PRR5L: variants seen among roughly 807,000 people sequenced by gnomAD.
PRR5L encodes proline-rich protein 5-like.
PRR5L carries 21 observed loss-of-function variants against 36.4 expected under a neutral mutation model. The observed-to-expected ratio is 0.58, with a 90% CI of 0.41 to 0.83. The LOEUF (loss-of-function observed/expected upper bound fraction) is 0.83. PRR5L is among the 40% of genes least tolerant of loss of function. The pLI, the probability that PRR5L is intolerant of heterozygous loss-of-function variation, is 0.00. For missense variants in PRR5L, 381 were observed against 473.3 expected (o/e 0.80, Z 1.81); for synonymous variants, 188 against 197.0 (o/e 0.95, Z 0.38).
intron 1 of PRR5L, among the ~76,000 whole-genome samples, chr11:36,374,104 T>TCCTTCCTTCCTTCCTTCCTG (rs1491493668): frequency 2.0e-5 from 2 of 101,318 alleles, no homozygotes; most frequent in Non-Finnish European, 3.8e-5. Flanking sequence ...CTTCCTTCCT[T>TCCTTCCTTCCTTCCTTCCTG]CCTCTCTCTC....
At chr11:36,443,965 G>T (rs550708663) in intron 6 of PRR5L, among the ~76,000 whole-genome samples, 14 of 152,288 alleles carry the variant, frequency 9.2e-5, no homozygotes, top group African/African-American at 3.1e-4. Flanking sequence ...AATCTTTTTG[G>T]AGAGCAACAT....
intron 1 of PRR5L, among the ~76,000 whole-genome samples, chr11:36,368,682 A>G (rs1857169110): frequency 6.6e-6 from 1 of 152,262 alleles, no homozygotes; most frequent in African/African-American, 2.4e-5. Flanking sequence ...AGAAGTCAGT[A>G]GAAGAATCCA....
At chr11:36,318,061 G>C (rs543807065) in intron 1 of PRR5L, among the ~76,000 whole-genome samples, 1 of 152,224 alleles carries the variant, frequency 6.6e-6, no homozygotes, top group South Asian at 2.1e-4. Flanking sequence ...CCTTTTCTAT[G>C]TTTACATACA....
At chr11:36,304,414 T>C (rs148468904) in intron 1 of PRR5L, among the ~76,000 whole-genome samples, 2 of 152,328 alleles carry the variant, frequency 1.3e-5, no homozygotes, top group Non-Finnish European at 2.9e-5. Flanking sequence ...TTAGGGGATA[T>C]TGTGAACAGT....
At chr11:36,388,853 C>A (rs1256255316) in intron 1 of PRR5L, among the ~76,000 whole-genome samples, 2 of 152,174 alleles carry the variant, frequency 1.3e-5, no homozygotes, top group Non-Finnish European at 2.9e-5. Context: ...CGCCCGCCAC[C>A]AAGCCCGGCT....
At chr11:36,361,632 C>T (rs1219624930) in intron 1 of PRR5L, among the ~76,000 whole-genome samples, 3 of 152,116 alleles carry the variant, frequency 2.0e-5, no homozygotes, top group Admixed American at 6.5e-5. Context: ...TGTGATCAAA[C>T]GATAGTGTGT....
chr11:36,362,114 G>A (rs1432111482), intron 1 of PRR5L: 2 of 149,628 alleles, frequency 1.3e-5, no homozygotes, highest in Admixed American at 6.6e-5. Context: ...AGTCACCAGA[G>A]ACTCCTGCCT....
chr11:36,346,954 C>T (rs1017868483), intron 1 of PRR5L, among the ~76,000 whole-genome samples: 5 of 152,142 alleles, frequency 3.3e-5, no homozygotes, highest in South Asian at 2.1e-4. Flanking sequence ...AAAGAATAGG[C>T]GTGGCTGTGT....
chr11:36,378,313 G>A (rs549247915), intron 1 of PRR5L, among the ~76,000 whole-genome samples: 9 of 152,306 alleles, frequency 5.9e-5, no homozygotes, highest in African/African-American at 1.2e-4. Context: ...AACCTGGCTG[G>A]TTAGTCTTCT....
At chr11:36,356,777 A>T (rs761776378) in intron 1 of PRR5L, among the ~76,000 whole-genome samples, 9 of 152,054 alleles carry the variant, frequency 5.9e-5, no homozygotes, top group Non-Finnish European at 1.3e-4. Flanking sequence ...TTGCTCCATT[A>T]AGTGGTTGTT....
At chr11:36,302,907 A>T (rs1856392279) in intron 1 of PRR5L, among the ~76,000 whole-genome samples, 1 of 152,204 alleles carries the variant, frequency 6.6e-6, no homozygotes, top group Admixed American at 6.5e-5. Context: ...CCTCACCATG[A>T]CTTTATCAAG....
At chr11:36,329,916 A>G (rs1388371017) in intron 1 of PRR5L, among the ~76,000 whole-genome samples, 3 of 152,214 alleles carry the variant, frequency 2.0e-5, no homozygotes, top group Non-Finnish European at 2.9e-5. Context: ...TATTTTTCCA[A>G]GACGGCTTTT....
intron 1 of PRR5L, among the ~76,000 whole-genome samples, chr11:36,367,633 T>G (rs1857156961): frequency 6.6e-6 from 1 of 152,166 alleles, no homozygotes; most frequent in Admixed American, 6.5e-5. Flanking sequence ...TATTTGGGTT[T>G]CAAAGGACAA....
intron 1 of PRR5L, among the ~76,000 whole-genome samples, chr11:36,319,188 C>T (rs1466301141): frequency 1.3e-5 from 2 of 152,176 alleles, no homozygotes; most frequent in African/African-American, 4.8e-5. Context: ...ATCCCTGGGA[C>T]CACAGTGAAA....
intron 1 of PRR5L, among the ~76,000 whole-genome samples, chr11:36,374,220 G>A (rs997357217): frequency 4.6e-5 from 7 of 151,916 alleles, no homozygotes; most frequent in Non-Finnish European, 1.0e-4. Context: ...TCAGTCTCCA[G>A]AGTACTTGGG....
intron 8 of PRR5L, among the ~76,000 whole-genome samples, chr11:36,461,915 C>A (rs1859193246): frequency 6.6e-6 from 1 of 152,162 alleles, no homozygotes. Context: ...TAGGAAGACT[C>A]TTTTATATCA....
At chr11:36,403,513 A>C in intron 3 of PRR5L, 135 bp downstream of exon 3, 1 of 624,418 alleles carries the variant, frequency 1.6e-6, no homozygotes, top group Non-Finnish European at 2.7e-6. Context: ...TCTGTCAGCT[A>C]TGCTGCTTTC....
At chr11:36,441,345 G>T (rs1858718826) in intron 6 of PRR5L, among the ~76,000 whole-genome samples, 1 of 152,180 alleles carries the variant, frequency 6.6e-6, no homozygotes, top group South Asian at 2.1e-4. Context: ...GGAGAATTTG[G>T]CCAAAAGAAA....
At chr11:36,440,329 C>T (rs749622528) in intron 6 of PRR5L, among the ~76,000 whole-genome samples, 14 of 152,084 alleles carry the variant, frequency 9.2e-5, no homozygotes, top group East Asian at 1.9e-4. Context: ...GTCCTTGGCC[C>T]GGTTAAACTC....
Sources: gnomAD v4.1 joint callset for allele counts (sites outside exome capture counted in the v4.1 genomes callset) on GRCh38, gnomAD v4.1.1 for gene constraint, MANE v1.5 for transcripts, NCBI Gene and HGNC (gene_info 2026-07-23, HGNC 2026-07-21) for gene names.